Variants in ATP2C2 observed in about 807,000 individuals in gnomAD.
The protein encoded by ATP2C2 is ATPase secretory pathway Ca2+ transporting 2.
ATP2C2 carries 171 observed loss-of-function variants against 110.8 expected under a neutral mutation model. The observed-to-expected ratio is 1.54, with a 90% CI of 1.36 to 1.75. The LOEUF (loss-of-function observed/expected upper bound fraction) is 1.75. ATP2C2 is among the 40% of genes most tolerant of loss of function. ATP2C2 has a pLI of 0.00. For synonymous variants in ATP2C2, 804 were observed against 508.4 expected, an observed-to-expected ratio of 1.58 and a Z score of -7.82; for missense variants, 1,963 against 1,235.0, an observed-to-expected ratio of 1.59 and a Z score of -8.84.
At chr16:84,462,285 G>C in intron 26 of ATP2C2, 156 bp downstream of exon 26, 1 of 963,878 alleles carries the variant, frequency 1.0e-6, no homozygotes, top group Non-Finnish European at 1.5e-6. Context: ...GTCCTCACAG[G>C]AAGGGACTCT....
chr16:84,392,970 A>G (rs1394946698), intron 1 of ATP2C2, among the ~76,000 whole-genome samples: 12 of 152,186 alleles, frequency 7.9e-5, no homozygotes, highest in Admixed American at 7.2e-4. Flanking sequence ...TAGGTGCATC[A>G]TGGCTGATCA....
chr16:84,440,767 G>T, intron 13 of ATP2C2, 90 bp from the exon 14 acceptor site: 1 of 951,872 alleles, frequency 1.1e-6, no homozygotes, highest in Non-Finnish European at 1.7e-6. Flanking sequence ...TGTGTCCCTG[G>T]AATGGATCCC....
intron 2 of ATP2C2, among the ~76,000 whole-genome samples, chr16:84,401,842 A>G (rs1043022489): frequency 1.3e-5 from 2 of 152,060 alleles, no homozygotes; most frequent in Admixed American, 6.5e-5. Flanking sequence ...TAAATTTTTA[A>G]ATTGTTTTTT....
Position 84,453,377 on chromosome 16 carries a change from C to T in ATP2C2, c.1980+6C>T, listed in dbSNP as rs181503610. ...ACAAGCTCAAAATCATCAAGGTTCGCTGGGCAAGGCAGGCACAGGCTGCGC... is the reference window on the plus strand; with the variant it reads ...ACAAGCTCAAAATCATCAAGGTTCGTTGGGCAAGGCAGGCACAGGCTGCGC... On this transcript the variant is annotated splice_donor_region_variant and intron_variant, in intron 20 of 26. Coordinates refer to ENST00000262429, the MANE Select transcript of ATP2C2 (RefSeq NM_014861.4). 1.5e-4 allele frequency: 245 copies of T among 1,614,190 alleles called. No individual in the cohort carries two copies. The highest frequency in any genetic ancestry group is 1.3e-3 in the Middle Eastern group (8 of 6,062).
chr16:84,440,555 G>T (rs958156199), intron 13 of ATP2C2, among the ~76,000 whole-genome samples: 3 of 152,304 alleles, frequency 2.0e-5, no homozygotes, highest in Admixed American at 6.5e-5. Context: ...TTTACCCAGC[G>T]CTGTTCTTGG....
At chr16:84,421,174 CTT>C (rs368111501) in intron 7 of ATP2C2, among the ~76,000 whole-genome samples, 4 of 152,216 alleles carry the variant, frequency 2.6e-5, no homozygotes, top group Admixed American at 1.3e-4. Context: ...CCTTCAAAGA[CTT>C]TCCTCAGCAT....
intron 1 of ATP2C2, among the ~76,000 whole-genome samples, chr16:84,389,861 C>T (rs1019987065): frequency 6.6e-6 from 1 of 152,094 alleles, no homozygotes; most frequent in Non-Finnish European, 1.5e-5. Flanking sequence ...GCTGGGACTA[C>T]AGGCATGTGC....
At chr16:84,436,833 G>C (rs944334747) in intron 11 of ATP2C2, among the ~76,000 whole-genome samples, 2 of 144,474 alleles carry the variant, frequency 1.4e-5, no homozygotes, top group African/African-American at 5.1e-5. Context: ...CACCATCTCA[G>C]CTCACCACAA....
intron 13 of ATP2C2, among the ~76,000 whole-genome samples, chr16:84,439,792 C>T (rs1356956639): frequency 6.6e-6 from 1 of 152,104 alleles, no homozygotes. Context: ...AAAAATCTTC[C>T]ATACCTTCCA....
intron 1 of ATP2C2, among the ~76,000 whole-genome samples, chr16:84,378,103 C>T (rs552160461): frequency 2.6e-4 from 40 of 152,202 alleles, no homozygotes; most frequent in Admixed American, 1.2e-3. Context: ...GAAGAGATGA[C>T]AGGCAGGCAC....
chr16:84,426,908 G>A (rs543295548), intron 11 of ATP2C2, among the ~76,000 whole-genome samples: 5 of 152,278 alleles, frequency 3.3e-5, no homozygotes, highest in African/African-American at 4.8e-5. Flanking sequence ...CCTGGTGGCC[G>A]AGACAGGGAG....
At chr16:84,439,883 T>G (rs1048112726) in intron 13 of ATP2C2, among the ~76,000 whole-genome samples, 1 of 152,236 alleles carries the variant, frequency 6.6e-6, no homozygotes, top group African/African-American at 2.4e-5. Context: ...TCACCCAGGC[T>G]GGAATGCAGT....
At chr16:84,384,141 G>A (rs1232688756) in intron 1 of ATP2C2, among the ~76,000 whole-genome samples, 1 of 151,850 alleles carries the variant, frequency 6.6e-6, no homozygotes, top group East Asian at 1.9e-4. Context: ...CAAAAATCAG[G>A]AAATGAACAT....
At chr16:84,456,643 G>A (rs1326651827) in intron 21 of ATP2C2, among the ~76,000 whole-genome samples, 4 of 90,558 alleles carry the variant, frequency 4.4e-5, no homozygotes. Context: ...CTTCAGCAAA[G>A]TCTCAGGATA....
intron 1 of ATP2C2, among the ~76,000 whole-genome samples, chr16:84,389,153 A>G (rs1187624421): frequency 6.6e-6 from 1 of 152,156 alleles, no homozygotes; most frequent in Non-Finnish European, 1.5e-5. Context: ...CCCAGGGGCC[A>G]AGTGCTTTCC....
At chr16:84,391,471 G>T (rs565615939) in intron 1 of ATP2C2, among the ~76,000 whole-genome samples, 1 of 152,314 alleles carries the variant, frequency 6.6e-6, no homozygotes, top group Non-Finnish European at 1.5e-5. Flanking sequence ...CTTTATCCAT[G>T]CAGTCAAATT....
At chr16:84,390,591 G>A (rs889372735) in intron 1 of ATP2C2, among the ~76,000 whole-genome samples, 4 of 152,182 alleles carry the variant, frequency 2.6e-5, no homozygotes, top group African/African-American at 9.7e-5. Context: ...CGTCCATAGA[G>A]ACAGGAAGCA....
chr16:84,382,031 A>G (rs186396015), intron 1 of ATP2C2, among the ~76,000 whole-genome samples: 36 of 152,270 alleles, frequency 2.4e-4, no homozygotes, highest in Middle Eastern at 3.4e-3. Context: ...ACATGTGCAG[A>G]ACGTACAGGT....
intron 6 of ATP2C2, among the ~76,000 whole-genome samples, chr16:84,411,232 C>T (rs1189903308): frequency 2.6e-5 from 4 of 152,150 alleles, no homozygotes; most frequent in Non-Finnish European, 5.9e-5. Flanking sequence ...AGTAACTACT[C>T]AGCAGCTGCA....
Sources: gnomAD v4.1 joint callset for allele counts (sites outside exome capture counted in the v4.1 genomes callset) on GRCh38, gnomAD v4.1.1 for gene constraint, MANE v1.5 for transcripts, NCBI Gene and HGNC (gene_info 2026-07-23, HGNC 2026-07-21) for gene names.